The following ADAM29 variants were observed in gnomAD, a reference collection of about 807,000 sequenced individuals.
The protein encoded by ADAM29 is disintegrin and metalloproteinase domain-containing protein 29.
For synonymous variants in ADAM29, 367 were observed against 342.3 expected (o/e 1.07, Z -0.80); for missense variants, 969 against 1,001.8 (o/e 0.97, Z 0.44).
rs773279206 is a variant in ADAM29, at chr4:174,925,968, A to T, written c.-450-5018A>T. Among the ~76,000 whole-genome samples, 153 of 152,330 alleles carry T rather than the reference A, an allele frequency of 1.0e-3. 1 individual carries two copies. Among genetic ancestry groups the T allele is most frequent in the Non-Finnish European group, 1.5e-3 (105 of 68,020 alleles). ...ACTGCTTCAGACACACTCTAATGAA[A>T]GTCAGCTTTCTTTCAAATCATTTTA... On this transcript the variant is annotated intron_variant, in intron 2 of 4. Transcript: ENST00000359240.
At position 174,962,368 on chromosome 4, in the gene ADAM29, T is replaced by C. The variant is rs536111750; in HGVS notation, c.-180-12978T>C. On this transcript the variant is annotated intron_variant, in intron 4 of 4. Coordinates refer to ENST00000359240, the MANE Select transcript of ADAM29 (RefSeq NM_014269.4). ...CTACTAAAAATACAAAAAAATTAGCTGGGCGTGGTGGGGGGCGCCTGTAGT... is the reference window on the plus strand; with the variant it reads ...CTACTAAAAATACAAAAAAATTAGCCGGGCGTGGTGGGGGGCGCCTGTAGT... Among the ~76,000 whole-genome samples, 973 of 151,818 alleles carry C rather than the reference T, an allele frequency of 6.4e-3. 12 individuals carry two copies. The highest frequency in any genetic ancestry group is 5.2e-3 in the Non-Finnish European group (353 of 67,920).
In ADAM29 at chr4:174,976,550, A is replaced by G; in HGVS notation, c.1025A>G (p.His342Arg). ...CTAGGTCATAATTTGGGCATGAACC[A>G]TGATGAGGATACATGTCGTTGTTCA... Reference protein sequence around the residue: ...HHLGHNLGMNHDEDTCRCSQP... With the variant: ...HHLGHNLGMNRDEDTCRCSQP... The change falls in exon 5 of 5, where the codon CAT becomes CGT. Residue 342 changes from histidine (H) to arginine (R), a missense_variant. Transcript: ENST00000359240. 6.2e-7 allele frequency: 1 copy of G among 1,602,838 alleles called. No individual in the cohort carries two copies. Among genetic ancestry groups the G allele is most frequent in the Non-Finnish European group, 8.5e-7 (1 of 1,174,890 alleles).
chr4:174,959,274 C>A lies in ADAM29; in HGVS notation c.-180-16072C>A, dbSNP rs145039763. Among the ~76,000 whole-genome samples the A allele has an allele frequency of 5.0e-3, 758 of 151,822 alleles. 8 individuals are homozygous for A. Among genetic ancestry groups the A allele is most frequent in the African/African-American group, 0.017 (688 of 41,474 alleles). Reference sequence around the variant, plus strand: ...CAGGGATTTTTTTTCTCCCTCAATACATTAGAGATTTGATAATCTTCTTGT... The same window carrying A: ...CAGGGATTTTTTTTCTCCCTCAATAAATTAGAGATTTGATAATCTTCTTGT... On this transcript the variant is annotated intron_variant, in intron 4 of 4. Coordinates refer to ENST00000359240, the MANE Select transcript of ADAM29 (RefSeq NM_014269.4).
intron 4 of ADAM29, among the ~76,000 whole-genome samples, chr4:174,968,166 T>C (rs1346871525): frequency 1.3e-5 from 2 of 152,164 alleles, no homozygotes; most frequent in Admixed American, 1.3e-4. Flanking sequence ...GTTTAGCTTT[T>C]TCTTTTGAGT....
In ADAM29 at chr4:174,977,132, T is replaced by A. The variant is rs1320503259; in HGVS notation, c.1607T>A (p.Ile536Asn). 1.2e-6 allele frequency: 2 copies of A among 1,613,972 alleles called. No individual in the cohort carries two copies. Among genetic ancestry groups the A allele is most frequent in the Non-Finnish European group, 1.7e-6 (2 of 1,180,014 alleles). ...TLGDRVGHCG[I>N]KNATYIKCNI... ...GGTGACCGTGTTGGTCACTGTGGTA[T>A]CAAAAATGCTACATATATAAAGTGT... Residue 536 changes from isoleucine (I) to asparagine (N), a missense_variant, in exon 5 of 5, where the codon ATC becomes AAC. Physicochemically the swap from Ile to Asn is moderately radical, Grantham distance 149. Transcript: ENST00000359240.
Position 174,977,866 on chromosome 4 carries a change from G to A in ADAM29, c.2341G>A (p.Val781Met). ...RVMPSQSQPPVMPSQSHPQLT... is the reference protein window; with the variant it reads ...RVMPSQSQPPMMPSQSHPQLT... ...GATGCCTTCTCAGAGTCAACCTCCT[G>A]TGATGCCTTCCCAGAGTCATCCTCA... Residue 781 changes from valine (V) to methionine (M), a missense_variant, in exon 5 of 5, where the codon GTG becomes ATG. Coordinates refer to ENST00000359240, the MANE Select transcript of ADAM29 (RefSeq NM_014269.4). 1.3e-6 allele frequency: 2 copies of A among 1,586,898 alleles called. No individual in the cohort carries two copies. Among genetic ancestry groups the A allele is most frequent in the African/African-American group, 1.4e-5 (1 of 71,724 alleles).
chr4:174,951,685 T>G (rs1745183446), intron 4 of ADAM29, among the ~76,000 whole-genome samples: 3 of 152,092 alleles, frequency 2.0e-5, no homozygotes, highest in African/African-American at 7.2e-5. Context: ...GCAGAGAAAA[T>G]GGATGATTAG....
intron 4 of ADAM29, among the ~76,000 whole-genome samples, chr4:174,960,031 TTGA>T (rs1311326330): frequency 6.6e-6 from 1 of 152,050 alleles, no homozygotes; most frequent in Non-Finnish European, 1.5e-5. Flanking sequence ...TTTTGTGAGT[TTGA>T]TGATGTGTTT....
At chr4:174,938,276 A>C (rs1483074931) in intron 4 of ADAM29, among the ~76,000 whole-genome samples, 1 of 152,136 alleles carries the variant, frequency 6.6e-6, no homozygotes, top group Non-Finnish European at 1.5e-5. Flanking sequence ...TGGAAGATAT[A>C]AAACTACAGA....
intron 4 of ADAM29, among the ~76,000 whole-genome samples, chr4:174,941,735 T>G (rs1218667847): frequency 6.6e-6 from 1 of 152,112 alleles, no homozygotes; most frequent in Non-Finnish European, 1.5e-5. Context: ...CCCTGGCCCC[T>G]CACAAATCTC....
intron 4 of ADAM29, among the ~76,000 whole-genome samples, chr4:174,947,995 T>A (rs6858543): frequency 2.0e-5 from 3 of 152,024 alleles, no homozygotes; most frequent in Non-Finnish European, 4.4e-5. Flanking sequence ...TGACATTCTT[T>A]AAGTGAGTGT....
rs375495423 is a variant in ADAM29, at chr4:174,962,293, T to C, written c.-180-13053T>C. ...TTGGGAGGCCGGGGCGGGCAGATCA[T>C]GAGGTCAGGAAATCAAGACCATCCT... On this transcript the variant is annotated intron_variant, in intron 4 of 4. Transcript: ENST00000359240. Among the ~76,000 whole-genome samples the C allele has an allele frequency of 7.6e-4, 115 of 152,114 alleles. No individual in the cohort carries two copies. In the East Asian group the frequency reaches 0.011, roughly 15 times the overall value.
At position 174,975,917 on chromosome 4, in the gene ADAM29, A is replaced by C; in HGVS notation, c.392A>C (p.Asp131Ala). ...GGFQGILQIN[D>A]FAYEIKPLAF... ...TTTCAAGGAATATTACAGATAAATG[A>C]CTTTGCTTATGAAATCAAGCCCCTA... Residue 131 changes from aspartate (D) to alanine (A), a missense_variant, in exon 5 of 5, where the codon GAC (aspartate) becomes GCC (alanine). Physicochemically the swap from Asp to Ala is moderately radical, Grantham distance 126 (BLOSUM62 -2). Transcript: ENST00000359240. 6.2e-7 allele frequency: 1 copy of C among 1,613,816 alleles called. No individual in the cohort carries two copies. The highest frequency in any genetic ancestry group is 8.5e-7 in the Non-Finnish European group (1 of 1,179,910).
At position 174,976,209 on chromosome 4, in the gene ADAM29, T is replaced by G; in HGVS notation, c.684T>G (p.Ile228Met). The G allele has an allele frequency of 1.9e-6, 3 of 1,606,634 alleles. No individual in the cohort carries two copies. The highest frequency in any genetic ancestry group is 2.5e-6 in the Non-Finnish European group (3 of 1,177,552). ...AGTTGCTGGAGGATCTATATGTTAT[T>G]GTTAATATAGTGGATTCCATTTTGG... ...DSKLLEDLYV[I>M]VNIVDSILDV... Residue 228 changes from isoleucine to methionine, a missense_variant, in exon 5 of 5, where the codon ATT becomes ATG. Ile to Met is a conservative substitution (Grantham distance 10). Transcript: ENST00000359240.
intron 2 of ADAM29, chr4:174,923,712 A>G (rs1003189605): frequency 6.6e-6 from 1 of 151,978 alleles, no homozygotes; most frequent in Non-Finnish European, 1.5e-5. Flanking sequence ...TGAAGTATTC[A>G]GCAACAACAT....
At chr4:174,965,095 A>G (rs1205098884) in intron 4 of ADAM29, among the ~76,000 whole-genome samples, 1 of 152,172 alleles carries the variant, frequency 6.6e-6, no homozygotes, top group Non-Finnish European at 1.5e-5. Flanking sequence ...TAGTGTTGCT[A>G]TAACAGAATA....
intron 2 of ADAM29, among the ~76,000 whole-genome samples, chr4:174,926,337 C>T (rs1428071469): frequency 1.3e-5 from 2 of 152,092 alleles, no homozygotes; most frequent in Non-Finnish European, 2.9e-5. Flanking sequence ...CCTAAAGAAA[C>T]TTCTCCTAGT....
intron 4 of ADAM29, among the ~76,000 whole-genome samples, chr4:174,950,708 T>G (rs1468303687): frequency 6.6e-6 from 1 of 152,176 alleles, no homozygotes; most frequent in Non-Finnish European, 1.5e-5. Flanking sequence ...ATACTTGATG[T>G]GGTTTATCTC....
In ADAM29 at chr4:174,928,836, A is replaced by G. The variant is rs141515471; in HGVS notation, c.-450-2150A>G. On this transcript the variant is annotated intron_variant, in intron 2 of 4. Coordinates refer to ENST00000359240, the MANE Select transcript of ADAM29 (RefSeq NM_014269.4). ...AGGCACTCCATCTTTCTTGGTGTATACTTTTCAAAAGGATGACTCTCAGGA... is the reference window on the plus strand; with the variant it reads ...AGGCACTCCATCTTTCTTGGTGTATGCTTTTCAAAAGGATGACTCTCAGGA... Among the ~76,000 whole-genome samples, 11 of 152,334 alleles carry G rather than the reference A, an allele frequency of 7.2e-5. No homozygotes were observed. In the East Asian group the frequency reaches 2.1e-3, roughly 29 times the overall value.
Sources: gnomAD v4.1 joint callset for allele counts (sites outside exome capture counted in the v4.1 genomes callset) on GRCh38, gnomAD v4.1.1 for gene constraint, MANE v1.5 for transcripts, NCBI Gene and HGNC (gene_info 2026-07-23, HGNC 2026-07-21) for gene names.